The following MIPEP variants were observed in gnomAD, a reference collection of about 807,000 sequenced individuals.
MIPEP encodes mitochondrial intermediate peptidase.
In MIPEP, 79 loss-of-function variants were observed where a neutral mutation model predicts 90.3. That is an observed-to-expected ratio of 0.87 (90% CI 0.73 to 1.05). The LOEUF is 1.05. Among genes scored for constraint, MIPEP ranks in the 50% least tolerant of loss-of-function variants. MIPEP has a pLI of 0.00. For synonymous variants in MIPEP, 334 were observed against 315.8 expected (o/e 1.06, Z -0.61); for missense variants, 940 against 905.6 (o/e 1.04, Z -0.49).
At chr13:23,842,225 A>T (rs1869327101) in intron 10 of MIPEP, 1 of 152,158 alleles carries the variant, frequency 6.6e-6, no homozygotes, top group South Asian at 2.1e-4. Context: ...GGTTCTCATT[A>T]TATGTCTACT....
intron 18 of MIPEP, among the ~76,000 whole-genome samples, chr13:23,738,239 T>C (rs2138484262): frequency 6.6e-6 from 1 of 152,292 alleles, no homozygotes; most frequent in South Asian, 2.1e-4. Flanking sequence ...GTGGGCTGCA[T>C]GTGGCCCAGG....
rs192766891 is a variant in MIPEP at position 23,779,756 on chromosome 13, C to A, written c.1849-19539G>T. Among the ~76,000 whole-genome samples, 571 of 152,272 alleles carry A rather than the reference C, an allele frequency of 3.7e-3. 1 individual carries two copies. The highest frequency in any genetic ancestry group is 6.5e-3 in the Non-Finnish European group (445 of 68,032). On this transcript the variant is annotated intron_variant, in intron 16 of 18. Coordinates refer to ENST00000382172, the MANE Select transcript of MIPEP (RefSeq NM_005932.4). ...CACCTGGAAAATCGGATCACTCCCA[C>A]CCTAATACTGTACTTTTCCAACGGT...
In MIPEP at chr13:23,790,416, G is replaced by A. The variant is rs190644874; in HGVS notation, c.1848+15534C>T. Among the ~76,000 whole-genome samples the A allele has an allele frequency of 2.8e-4, 43 of 152,332 alleles. No homozygotes were observed. The East Asian group carries it at 3.3e-3, about 12-fold the overall frequency. On this transcript the variant is annotated intron_variant, in intron 16 of 18. Coordinates refer to ENST00000382172, the MANE Select transcript of MIPEP (RefSeq NM_005932.4). Reference sequence around the variant, plus strand: ...GAATAATGCCCTCTCCTCCAAAGATGTCCACATCCTATCCCTAGAACCTGT... The same window carrying A: ...GAATAATGCCCTCTCCTCCAAAGATATCCACATCCTATCCCTAGAACCTGT...
chr13:23,772,124 CAG>C (rs1457250342), intron 16 of MIPEP, among the ~76,000 whole-genome samples: 1 of 152,162 alleles, frequency 6.6e-6, no homozygotes, highest in East Asian at 1.9e-4. Context: ...GGGCTTGTGA[CAG>C]TATGTCATTT....
At chr13:23,846,477 T>C (rs1440199297) in intron 10 of MIPEP, among the ~76,000 whole-genome samples, 1 of 152,228 alleles carries the variant, frequency 6.6e-6, no homozygotes, top group East Asian at 1.9e-4. Context: ...GGATATGTTT[T>C]GGATTTTGGA....
At position 23,770,165 on chromosome 13, in the gene MIPEP, A is replaced by G. The variant is rs117398831; in HGVS notation, c.1849-9948T>C. Among the ~76,000 whole-genome samples, 925 of 152,292 alleles carry G rather than the reference A, an allele frequency of 6.1e-3. 4 individuals carry two copies. Among genetic ancestry groups the G allele is most frequent in the Middle Eastern group, 0.037 (11 of 294 alleles). On this transcript the variant is annotated intron_variant, in intron 16 of 18. Transcript: ENST00000382172. ...TACTGACTTCTTTCATTAAACAGGC[A>G]AGCAGAACCCTGGAATGGCTTCCTC...
intron 16 of MIPEP, among the ~76,000 whole-genome samples, chr13:23,796,700 A>T (rs1430839374): frequency 6.6e-6 from 1 of 152,144 alleles, no homozygotes; most frequent in Non-Finnish European, 1.5e-5. Flanking sequence ...CATGGTTAAG[A>T]GGCATGTTTG....
intron 16 of MIPEP, among the ~76,000 whole-genome samples, chr13:23,789,087 T>C (rs1384789475): frequency 6.6e-6 from 1 of 152,204 alleles, no homozygotes; most frequent in Non-Finnish European, 1.5e-5. Context: ...GGATTACAGG[T>C]GTGAGCCATT....
chr13:23,854,054 G>T (rs542398376), intron 10 of MIPEP, among the ~76,000 whole-genome samples: 5 of 151,810 alleles, frequency 3.3e-5, no homozygotes, highest in South Asian at 2.1e-4. Flanking sequence ...GGCCAGGCGC[G>T]GTGGCTCACG....
chr13:23,747,046 C>T (rs567759782), intron 18 of MIPEP, among the ~76,000 whole-genome samples: 25 of 152,282 alleles, frequency 1.6e-4, no homozygotes, highest in African/African-American at 5.3e-4. Context: ...TAAGAGGTGT[C>T]GAGGAGTGCT....
rs116827428 is a variant in MIPEP at position 23,860,250 on chromosome 13, G to C, written c.1054-1338C>G. ...CTCAAGAAGGCAAAGCCTGAATTGA[G>C]TTTTATGATAGAAGCAGTTAATCCA... On this transcript the variant is annotated intron_variant, in intron 9 of 18. Transcript: ENST00000382172. Among the ~76,000 whole-genome samples the C allele has an allele frequency of 6.3e-3, 960 of 152,336 alleles. 8 individuals carry two copies. The highest frequency in any genetic ancestry group is 0.022 in the African/African-American group (898 of 41,570).
rs917003360 is a variant in MIPEP, at chr13:23,889,259, C to T, written c.62G>A (p.Arg21Gln). 2.2e-6 allele frequency: 3 copies of T among 1,386,646 alleles called. No homozygotes were observed. The African/African-American group carries it at 4.6e-5, about 21-fold the overall frequency. 85.9% of individuals were successfully genotyped at this position (1,386,646 alleles called of 1,614,324 possible). The change falls in exon 1 of 19, where the codon CGG becomes CAG. Residue 21 changes from arginine to glutamine, a missense_variant. Arg to Gln is a conservative substitution (Grantham distance 43). Transcript: ENST00000382172. Reference protein sequence around the residue: ...GARAAALPPRRAGRGSLEAGI... With the variant: ...GARAAALPPRQAGRGSLEAGI... The stretch of plus-strand genomic sequence containing the variant: ...GGCTTCGAGGCTTCCCCGGCCCGCC[C>T]GGCGGGGCGGCAGAGCTGCTGCTCT...
At chr13:23,840,948 A>G (rs1199317579) in intron 11 of MIPEP, among the ~76,000 whole-genome samples, 1 of 152,156 alleles carries the variant, frequency 6.6e-6, no homozygotes, top group African/African-American at 2.4e-5. Context: ...CCCCTACAAC[A>G]TGGGATGGGG....
chr13:23,832,305 G>A (rs771490650), intron 14 of MIPEP, among the ~76,000 whole-genome samples: 2 of 152,074 alleles, frequency 1.3e-5, no homozygotes, highest in South Asian at 2.1e-4. Context: ...GTAGGAAGGC[G>A]CTCATCAGAT....
rs951112254 is a variant in MIPEP, at chr13:23,889,386, G to C, written c.-66C>G. On this transcript the variant is annotated 5_prime_UTR_variant, in exon 1 of 19. Coordinates refer to ENST00000382172, the MANE Select transcript of MIPEP (RefSeq NM_005932.4). The stretch of plus-strand genomic sequence containing the variant: ...GCCCTGCTGCTTTCGCTGGGAGCGC[G>C]CGCTCCGCGTTTCCAAGGCAGCAGC... 6 of 1,227,830 alleles carry C rather than the reference G, an allele frequency of 4.9e-6. No homozygotes were observed. Among genetic ancestry groups the C allele is most frequent in the Non-Finnish European group, 6.1e-6 (6 of 979,816 alleles). The allele number at this position is 1,227,830 out of a possible 1,614,324, so 76.1% of individuals were successfully genotyped here. A position where few individuals can be genotyped will look rare whatever the true frequency, so the allele number is the denominator to read the frequency against.
chr13:23,828,216 A>C (rs1234596057), intron 14 of MIPEP, among the ~76,000 whole-genome samples: 1 of 152,274 alleles, frequency 6.6e-6, no homozygotes, highest in Non-Finnish European at 1.5e-5. Context: ...ACAAACCTAT[A>C]ACAAACATCT....
intron 16 of MIPEP, among the ~76,000 whole-genome samples, chr13:23,786,237 A>G (rs1181100409): frequency 6.6e-6 from 1 of 152,174 alleles, no homozygotes; most frequent in African/African-American, 2.4e-5. Context: ...TAAAAAAGAC[A>G]AGAAAAACTA....
At chr13:23,834,643 T>C (rs1048319611) in intron 14 of MIPEP, among the ~76,000 whole-genome samples, 1 of 152,226 alleles carries the variant, frequency 6.6e-6, no homozygotes, top group Non-Finnish European at 1.5e-5. Flanking sequence ...TGAATACCGC[T>C]GAGAGCTGAC....
At chr13:23,731,968 ATTTTTTTTTT>A (rs57109674) in intron 18 of MIPEP, among the ~76,000 whole-genome samples, 1 of 97,862 alleles carries the variant, frequency 1.0e-5, no homozygotes, top group Non-Finnish European at 1.9e-5. Flanking sequence ...AGAATAGCTA[ATTTTTTTTTT>A]TTTTTTTTTT....
Sources: gnomAD v4.1 joint callset for allele counts (sites outside exome capture counted in the v4.1 genomes callset) on GRCh38, gnomAD v4.1.1 for gene constraint, MANE v1.5 for transcripts, NCBI Gene and HGNC (gene_info 2026-07-23, HGNC 2026-07-21) for gene names.